The following CFAP69 variants were observed in gnomAD, a reference collection of about 807,000 sequenced individuals.
CFAP69 encodes cilia- and flagella-associated protein 69.
In CFAP69, 92 loss-of-function variants were observed where a neutral mutation model predicts 123.0. That is an observed-to-expected ratio of 0.75 (90% CI 0.63 to 0.89). The LOEUF is 0.89. CFAP69 is among the 40% of genes least tolerant of loss of function. The pLI is 0.00. For synonymous variants in CFAP69, 380 were observed against 364.3 expected (o/e 1.04, Z -0.49); for missense variants, 1,067 against 1,096.9 (o/e 0.97, Z 0.39).
intron 6 of CFAP69, among the ~76,000 whole-genome samples, chr7:90,270,431 G>A (rs17866222): frequency 1.4e-4 from 21 of 152,196 alleles, no homozygotes; most frequent in African/African-American, 4.6e-4. Context: ...AAAATTGTAT[G>A]CATACATTAA....
chr7:90,273,183 C>T (rs1183958615), intron 8 of CFAP69, among the ~76,000 whole-genome samples: 1 of 152,038 alleles, frequency 6.6e-6, no homozygotes, highest in East Asian at 1.9e-4. Context: ...GTTTTGCATG[C>T]GGAGAGCATC....
intron 12 of CFAP69, among the ~76,000 whole-genome samples, chr7:90,282,049 A>G (rs1421068357): frequency 1.3e-5 from 2 of 152,144 alleles, no homozygotes; most frequent in Non-Finnish European, 2.9e-5. Context: ...ACCATTTCAC[A>G]TTTAACAGAT....
At chr7:90,276,486 G>A (rs780714721) in intron 9 of CFAP69, among the ~76,000 whole-genome samples, 5 of 152,194 alleles carry the variant, frequency 3.3e-5, no homozygotes, top group Non-Finnish European at 5.9e-5. Flanking sequence ...CCCAGGGTTT[G>A]CCCCTGTAAA....
At chr7:90,317,307 T>G in the CFAP69 span, 1 of 152,138 alleles carries the variant, frequency 6.6e-6, no homozygotes, top group Non-Finnish European at 1.5e-5. Flanking sequence ...TAAAAACTCA[T>G]ATCAGACTAA....
At chr7:90,287,243 T>G (rs1790435333) in intron 14 of CFAP69, among the ~76,000 whole-genome samples, 1 of 152,188 alleles carries the variant, frequency 6.6e-6, no homozygotes, top group South Asian at 2.1e-4. Flanking sequence ...TTGTTTTTAT[T>G]TACAGCTATA....
In CFAP69 at chr7:90,283,011, G is replaced by A. The variant is rs747411045; in HGVS notation, c.1492G>A (p.Val498Ile). The change falls in exon 13 of 23, where the codon GTA (valine) becomes ATA (isoleucine). Residue 498 changes from valine to isoleucine, a missense_variant. Physicochemically the swap from Val to Ile is conservative, Grantham distance 29. Transcript: ENST00000389297. ...RAVVYLEDET[V>I]NKDLCEKGTI... is the part of the protein sequence containing the mutation. Reference sequence around the variant, plus strand: ...CGTGGTCTACCTTGAAGATGAGACTGTAAACAAAGATCTTTGTGAAAAGGG... The same window carrying A: ...CGTGGTCTACCTTGAAGATGAGACTATAAACAAAGATCTTTGTGAAAAGGG... 2.5e-6 allele frequency: 4 copies of A among 1,585,128 alleles called. No homozygotes were observed. Among genetic ancestry groups the A allele is most frequent in the Admixed American group, 1.8e-5 (1 of 55,752 alleles).
intron 5 of CFAP69, among the ~76,000 whole-genome samples, chr7:90,267,322 G>T (rs1042683483): frequency 6.6e-6 from 1 of 151,952 alleles, no homozygotes; most frequent in Non-Finnish European, 1.5e-5. Context: ...GTCTTGCAAG[G>T]GCTAATGCAA....
At chr7:90,292,801 G>C (rs911034812) in intron 15 of CFAP69, among the ~76,000 whole-genome samples, 1 of 152,142 alleles carries the variant, frequency 6.6e-6, no homozygotes, top group Admixed American at 6.5e-5. Context: ...ATTTCTGTTT[G>C]ATATTCATGA....
In CFAP69 at chr7:90,304,788, C is replaced by T. The variant is rs1793325000; in HGVS notation, c.2233C>T (p.Leu745Phe). Reference protein sequence around the residue: ...PGLSAEDFVTLCIIHRYLDFK... With the variant: ...PGLSAEDFVTFCIIHRYLDFK... ...CCTATCTGCTGAAGATTTTGTCACC[C>T]TTTGTATCATACATAGATATCTTGA... Residue 745 changes from leucine to phenylalanine, a missense_variant, in exon 19 of 23, where the codon CTT (leucine) becomes TTT (phenylalanine). Transcript: ENST00000389297. 2 of 1,562,948 alleles carry T rather than the reference C, an allele frequency of 1.3e-6. No individual in the cohort carries two copies. The highest frequency in any genetic ancestry group is 2.3e-5 in the South Asian group (2 of 88,538).
intron 12 of CFAP69, among the ~76,000 whole-genome samples, chr7:90,281,066 GA>G (rs1017512043): frequency 3.3e-5 from 5 of 152,218 alleles, no homozygotes; most frequent in African/African-American, 1.2e-4. Context: ...TAGTTATTCA[GA>G]ACCTACTATC....
chr7:90,257,170 C>T (rs1797756275), intron 2 of CFAP69, among the ~76,000 whole-genome samples: 1 of 152,082 alleles, frequency 6.6e-6, no homozygotes, highest in South Asian at 2.1e-4. Context: ...ATATATGGTA[C>T]CCATGTGGTA....
chr7:90,286,519 T>C, intron 14 of CFAP69, 120 bp downstream of exon 14: 1 of 1,003,290 alleles, frequency 1.0e-6, no homozygotes. Context: ...TGTTAATAAT[T>C]AGAGCATAAT....
At position 90,310,553 on chromosome 7, in the gene CFAP69, C is replaced by G. The variant is rs189594605; in HGVS notation, c.*315C>G. ...CTAGTTTAAGTCAGAAAAAAAATTT[C>G]TTACAGGCTCTATACCTATCAAATC... is the stretch of plus-strand genomic sequence containing the variant. On this transcript the variant is annotated 3_prime_UTR_variant, in exon 23 of 23. Transcript: ENST00000389297. 6.1e-6 allele frequency: 1 copy of G among 163,550 alleles called. No individual in the cohort carries two copies. The highest frequency in any genetic ancestry group is 1.7e-4 in the East Asian group (1 of 5,782). The allele number at this position is 163,550 out of a possible 1,614,324, so 10.1% of individuals were successfully genotyped here. A position where few individuals can be genotyped will look rare whatever the true frequency, so the allele number is the denominator to read the frequency against.
At chr7:90,252,257 CA>C in intron 1 of CFAP69, among the ~76,000 whole-genome samples, 1 of 151,932 alleles carries the variant, frequency 6.6e-6, no homozygotes, top group Admixed American at 6.6e-5. Flanking sequence ...GTCTATTTAC[CA>C]AAATTTTTTG....
At chr7:90,287,835 C>T (rs1373150297) in intron 14 of CFAP69, 14 of 790,262 alleles carry the variant, frequency 1.8e-5, no homozygotes, top group South Asian at 1.1e-4. Context: ...TTATTTCTCT[C>T]GGGGTCATTA....
At chr7:90,308,117 A>G (rs1046131147) in intron 21 of CFAP69, among the ~76,000 whole-genome samples, 10 of 152,188 alleles carry the variant, frequency 6.6e-5, no homozygotes, top group Admixed American at 2.0e-4. Flanking sequence ...GATGATAGCC[A>G]GGAATGAGCA....
chr7:90,310,317 ATATTTTAGAATAAG>A lies in CFAP69; in HGVS notation c.*88_*101del. The stretch of plus-strand genomic sequence containing the variant: ...ATATCTTTATACATATGTAAAGCCA[ATATTTTAGAATAAG>A]TATTTTAGTATAAATATTTTAGTAA... On this transcript the variant is annotated 3_prime_UTR_variant, in exon 23 of 23. Transcript: ENST00000389297. The A allele has an allele frequency of 1.4e-6, 1 of 735,104 alleles. No homozygotes were observed. The allele number at this position is 735,104 out of a possible 1,614,324, so 45.5% of individuals were successfully genotyped here. A position where few individuals can be genotyped will look rare whatever the true frequency, so the allele number is the denominator to read the frequency against.
chr7:90,269,314 A>C (rs1363165049), intron 6 of CFAP69, among the ~76,000 whole-genome samples: 4 of 152,132 alleles, frequency 2.6e-5, no homozygotes, highest in Non-Finnish European at 4.4e-5. Flanking sequence ...TAGAGTTGAA[A>C]ATTGAAGCCA....
At chr7:90,307,419 G>A (rs1793764883) in intron 20 of CFAP69, among the ~76,000 whole-genome samples, 1 of 152,012 alleles carries the variant, frequency 6.6e-6, no homozygotes, top group Non-Finnish European at 1.5e-5. Flanking sequence ...TACCATTAAG[G>A]CACAAGATAA....
Sources: gnomAD v4.1 joint callset for allele counts (sites outside exome capture counted in the v4.1 genomes callset) on GRCh38, gnomAD v4.1.1 for gene constraint, MANE v1.5 for transcripts, NCBI Gene and HGNC (gene_info 2026-07-23, HGNC 2026-07-21) for gene names.